The following FAM13C variants were observed in gnomAD, a reference collection of about 807,000 sequenced individuals.
FAM13C encodes family with sequence similarity 13 member C.
Under a neutral mutation model 73.2 loss-of-function variants are expected in FAM13C, and 37 were observed. The observed-to-expected ratio is 0.51, with a 90% CI of 0.39 to 0.67. The LOEUF (loss-of-function observed/expected upper bound fraction) is 0.67. FAM13C is among the 30% of genes least tolerant of loss of function. The pLI, the probability that FAM13C is intolerant of heterozygous loss-of-function variation, is 0.00. For synonymous variants in FAM13C, 246 were observed against 260.9 expected (o/e 0.94, Z 0.55); for missense variants, 589 against 715.6 (o/e 0.82, Z 2.02).
chr10:59,254,418 A>G lies in FAM13C; in HGVS notation c.1262T>C (p.Ile421Thr). 1 of 1,551,844 alleles carries G rather than the reference A, an allele frequency of 6.4e-7. No individual in the cohort carries two copies. Among genetic ancestry groups the G allele is most frequent in the Non-Finnish European group, 8.7e-7 (1 of 1,147,988 alleles). ...TCTGTATCGGTCATAAAGCGGCTTT[A>G]TGAGGTTCTTGTCTTGCTTAGTTAC... Reference protein sequence around the residue: ...SKVTKQDKNLIKPLYDRYRII... With the variant: ...SKVTKQDKNLTKPLYDRYRII... Residue 421 changes from isoleucine to threonine, a missense_variant, in exon 11 of 14, where the codon ATA becomes ACA. Coordinates refer to ENST00000618804, the MANE Select transcript of FAM13C (RefSeq NM_198215.4).
At chr10:59,255,289 TC>T (rs1427790315) in intron 10 of FAM13C, among the ~76,000 whole-genome samples, 3 of 152,122 alleles carry the variant, frequency 2.0e-5, no homozygotes, top group African/African-American at 7.2e-5. Context: ...CCAATATCCT[TC>T]CCTGAAAAAA....
intron 4 of FAM13C, among the ~76,000 whole-genome samples, chr10:59,315,621 G>T (rs1258494787): frequency 3.9e-5 from 6 of 152,146 alleles, no homozygotes; most frequent in Non-Finnish European, 8.8e-5. Context: ...ACACAACAAA[G>T]AATTTTTCCA....
intron 3 of FAM13C, among the ~76,000 whole-genome samples, chr10:59,351,911 G>A (rs1458774887): frequency 2.6e-5 from 4 of 152,154 alleles, no homozygotes; most frequent in Non-Finnish European, 5.9e-5. Flanking sequence ...CAGGAGAATC[G>A]TTTGAACTCA....
intron 13 of FAM13C, among the ~76,000 whole-genome samples, chr10:59,249,408 GAAAAAAAAAA>G (rs71006241): frequency 9.1e-5 from 9 of 99,172 alleles, no homozygotes; most frequent in African/African-American, 3.7e-4. Context: ...CGTCTCAAAA[GAAAAAAAAAA>G]AAAAAAAAAA....
At chr10:59,342,762 A>G (rs1853679304) in intron 3 of FAM13C, among the ~76,000 whole-genome samples, 1 of 152,180 alleles carries the variant, frequency 6.6e-6, no homozygotes, top group Non-Finnish European at 1.5e-5. Flanking sequence ...ACCATGTTTA[A>G]TAAAGTTAAG....
At chr10:59,343,960 TC>T (rs1172670737) in intron 3 of FAM13C, among the ~76,000 whole-genome samples, 1 of 148,526 alleles carries the variant, frequency 6.7e-6, no homozygotes, top group Non-Finnish European at 1.5e-5. Flanking sequence ...TTTTTTTTTT[TC>T]TTTTTTCTTT....
intron 5 of FAM13C, among the ~76,000 whole-genome samples, chr10:59,283,944 C>G (rs1305630755): frequency 6.6e-6 from 1 of 152,126 alleles, no homozygotes; most frequent in Non-Finnish European, 1.5e-5. Flanking sequence ...CAGCAAACTG[C>G]AGTGCACAAA....
At chr10:59,269,204 T>TA (rs1294657774) in intron 7 of FAM13C, among the ~76,000 whole-genome samples, 1 of 152,062 alleles carries the variant, frequency 6.6e-6, no homozygotes. Flanking sequence ...CATCGATAGA[T>TA]AGTTCATGGA....
Position 59,269,882 on chromosome 10 carries a change from C to T in FAM13C, c.803+17G>A. 1 of 1,612,546 alleles carries T rather than the reference C, an allele frequency of 6.2e-7. No individual in the cohort carries two copies. The highest frequency in any genetic ancestry group is 8.5e-7 in the Non-Finnish European group (1 of 1,179,062). On this transcript the variant is annotated intron_variant, in intron 7 of 13. Coordinates refer to ENST00000618804, the MANE Select transcript of FAM13C (RefSeq NM_198215.4). ...AAACTGTATGAAATGAAGACAATAA[C>T]AAAACAGTTTTCTCACATCATAAAC...
chr10:59,343,949 C>CTTTTT (rs541994046), intron 3 of FAM13C, among the ~76,000 whole-genome samples: 2 of 145,202 alleles, frequency 1.4e-5, no homozygotes, highest in Non-Finnish European at 1.5e-5. Flanking sequence ...TAAACTATTT[C>CTTTTT]TTTTTTTTTT....
intron 7 of FAM13C, 99 bp downstream of exon 7, chr10:59,269,800 G>C: frequency 7.3e-7 from 1 of 1,370,460 alleles, no homozygotes; most frequent in Non-Finnish European, 1.0e-6. Flanking sequence ...CGTTAGGCAG[G>C]CACATTTGTG....
Position 59,268,593 on chromosome 10 carries a change from C to T in FAM13C, c.902G>A (p.Arg301Gln), listed in dbSNP as rs745920675. The change falls in exon 8 of 14, where the codon CGG becomes CAG. Residue 301 changes from arginine (R) to glutamine (Q), a missense_variant. By Grantham distance (43) the Arg-to-Gln change is conservative. Transcript: ENST00000618804. ...KHIQSLKRKI[R>Q]KFEEKFEQEK... ...TTGTTCAAATTTTTCTTCAAATTTC[C>T]GAATTTTCCGCTTGAGGCTCTGGAT... 1.9e-5 allele frequency: 31 copies of T among 1,613,710 alleles called. No individual in the cohort carries two copies. Among genetic ancestry groups the T allele is most frequent in the Middle Eastern group, 1.7e-4 (1 of 6,014 alleles).
At chr10:59,268,485 A>C (rs552356810) in intron 8 of FAM13C, 68 bp downstream of exon 8, 1 of 1,583,818 alleles carries the variant, frequency 6.3e-7, no homozygotes, top group Admixed American at 1.7e-5. Flanking sequence ...GAAAGGAAGG[A>C]CAGAGGCTGA....
At chr10:59,275,682 G>A (rs1427767690) in intron 6 of FAM13C, among the ~76,000 whole-genome samples, 1 of 152,136 alleles carries the variant, frequency 6.6e-6, no homozygotes, top group East Asian at 1.9e-4. Context: ...CCGGGCTCTG[G>A]AGTCAGAGGC....
intron 6 of FAM13C, among the ~76,000 whole-genome samples, chr10:59,277,702 C>T (rs990045876): frequency 1.3e-5 from 2 of 152,174 alleles, no homozygotes; most frequent in Non-Finnish European, 2.9e-5. Flanking sequence ...TTTAAAATGA[C>T]TTACAAAATA....
chr10:59,306,886 C>T (rs542935805), intron 4 of FAM13C, among the ~76,000 whole-genome samples: 45 of 151,870 alleles, frequency 3.0e-4, no homozygotes, highest in Non-Finnish European at 4.7e-4. Context: ...AACAAACAAA[C>T]AAAAAAGAAT....
At chr10:59,272,931 A>C (rs975408233) in intron 6 of FAM13C, among the ~76,000 whole-genome samples, 6 of 152,192 alleles carry the variant, frequency 3.9e-5, no homozygotes, top group South Asian at 2.1e-4. Context: ...AGTTTAATTC[A>C]TAAATTAGGC....
chr10:59,329,331 C>T (rs1385536946), intron 3 of FAM13C, among the ~76,000 whole-genome samples: 72 of 81,284 alleles, frequency 8.9e-4, no homozygotes, highest in Admixed American at 2.0e-3. Context: ...TTCTTTTTTT[C>T]TTTCTTTCTG....
intron 3 of FAM13C, among the ~76,000 whole-genome samples, chr10:59,337,530 C>A (rs1020968421): frequency 2.0e-5 from 3 of 152,144 alleles, no homozygotes; most frequent in Non-Finnish European, 4.4e-5. Flanking sequence ...ATTGCCAGAG[C>A]AAGTTGTTAT....
Sources: allele counts gnomAD v4.1 joint callset (sites outside exome capture counted in the v4.1 genomes callset), GRCh38; gene constraint gnomAD v4.1.1; transcripts MANE v1.5; gene names NCBI Gene and HGNC (gene_info 2026-07-23, HGNC 2026-07-21).